The following BMPR1A variants were observed in gnomAD, a reference collection of about 807,000 sequenced individuals.
BMPR1A encodes bone morphogenetic protein receptor type 1A.
A neutral mutation model predicts 66.0 loss-of-function variants in BMPR1A; 7 were observed. The observed-to-expected ratio is 0.11, with a 90% CI of 0.06 to 0.20. The LOEUF is 0.20. Among genes scored for constraint, BMPR1A ranks in the 10% least tolerant of loss-of-function variants. The pLI is 1.00. For missense variants in BMPR1A, 408 were observed against 669.1 expected, an observed-to-expected ratio of 0.61 and a Z score of 4.31; for synonymous variants, 200 against 229.7, an observed-to-expected ratio of 0.87 and a Z score of 1.17.
intron 5 of BMPR1A, among the ~76,000 whole-genome samples, chr10:86,896,616 A>G (rs1484973911): frequency 6.6e-6 from 1 of 152,222 alleles, no homozygotes; most frequent in Non-Finnish European, 1.5e-5. Flanking sequence ...TTATTCTTTA[A>G]AATGATGATA....
At chr10:86,860,838 G>T (rs940117242) in intron 2 of BMPR1A, among the ~76,000 whole-genome samples, 5 of 148,410 alleles carry the variant, frequency 3.4e-5, no homozygotes, top group African/African-American at 7.4e-5. Flanking sequence ...TCATGCCATA[G>T]AACTTTTTTT....
chr10:86,864,009 T>C (rs1842747470), intron 2 of BMPR1A, among the ~76,000 whole-genome samples: 2 of 152,312 alleles, frequency 1.3e-5, no homozygotes, highest in South Asian at 4.1e-4. Flanking sequence ...CAAGATAATT[T>C]TTCTTCTTAG....
At chr10:86,893,898 A>G (rs887035630) in intron 5 of BMPR1A, among the ~76,000 whole-genome samples, 4 of 152,200 alleles carry the variant, frequency 2.6e-5, no homozygotes, top group African/African-American at 7.2e-5. Flanking sequence ...CTGCAAATCT[A>G]TCTTCCTTTC....
At chr10:86,847,696 G>T (rs1363304265) in intron 2 of BMPR1A, among the ~76,000 whole-genome samples, 1 of 151,844 alleles carries the variant, frequency 6.6e-6, no homozygotes, top group Non-Finnish European at 1.5e-5. Flanking sequence ...GTATGTGTGT[G>T]TATAAAGATT....
intron 1 of BMPR1A, among the ~76,000 whole-genome samples, chr10:86,777,641 G>A (rs906399678): frequency 4.0e-5 from 6 of 151,896 alleles, no homozygotes; most frequent in African/African-American, 1.4e-4. Flanking sequence ...ACATCACAGT[G>A]TTACAATATT....
intron 2 of BMPR1A, among the ~76,000 whole-genome samples, chr10:86,872,051 C>G (rs1842861078): frequency 6.6e-6 from 1 of 152,172 alleles, no homozygotes; most frequent in South Asian, 2.1e-4. Flanking sequence ...GCAGCATTTC[C>G]CTTCATTCTC....
At chr10:86,801,337 G>C (rs1015992031) in intron 1 of BMPR1A, among the ~76,000 whole-genome samples, 2 of 152,076 alleles carry the variant, frequency 1.3e-5, no homozygotes, top group African/African-American at 4.8e-5. Context: ...AGGTTTCACT[G>C]TGTTGCTCAG....
intron 1 of BMPR1A, among the ~76,000 whole-genome samples, chr10:86,819,188 TA>T (rs1470996221): frequency 6.6e-6 from 1 of 152,188 alleles, no homozygotes; most frequent in African/African-American, 2.4e-5. Flanking sequence ...TATTGCTACT[TA>T]TTTTTTAAAG....
intron 1 of BMPR1A, among the ~76,000 whole-genome samples, chr10:86,807,676 C>G (rs1053150358): frequency 2.0e-5 from 3 of 152,212 alleles, no homozygotes; most frequent in African/African-American, 7.2e-5. Flanking sequence ...TGCCACCATG[C>G]CCAGTCCCCA....
chr10:86,786,543 T>C (rs909162363), intron 1 of BMPR1A, among the ~76,000 whole-genome samples: 2 of 152,234 alleles, frequency 1.3e-5, no homozygotes, highest in Non-Finnish European at 2.9e-5. Context: ...GCTTCCAGGA[T>C]AGCATACAAA....
At chr10:86,921,800 T>C (rs968954594) in intron 11 of BMPR1A, 105 bp downstream of exon 11, 22 of 1,375,342 alleles carry the variant, frequency 1.6e-5, no homozygotes, top group Non-Finnish European at 2.0e-5. Flanking sequence ...GGGCACATAG[T>C]AGGTGTATAT....
chr10:86,863,187 A>G (rs1050540204), intron 2 of BMPR1A, among the ~76,000 whole-genome samples: 1 of 152,110 alleles, frequency 6.6e-6, no homozygotes, highest in African/African-American at 2.4e-5. Context: ...TATGTTAGCC[A>G]GGCTGGTCTT....
chr10:86,889,671 C>T (rs964053864), intron 3 of BMPR1A: 43 of 229,680 alleles, frequency 1.9e-4, no homozygotes, highest in African/African-American at 1.0e-3. Flanking sequence ...GCGATTTCCC[C>T]AAATGTGGGA....
intron 1 of BMPR1A, among the ~76,000 whole-genome samples, chr10:86,773,425 T>C (rs1841296316): frequency 6.6e-6 from 1 of 151,950 alleles, no homozygotes; most frequent in Non-Finnish European, 1.5e-5. Flanking sequence ...ACCCTGTCTC[T>C]ACTAAAAAAG....
At chr10:86,774,439 T>A (rs957800201) in intron 1 of BMPR1A, among the ~76,000 whole-genome samples, 2 of 149,818 alleles carry the variant, frequency 1.3e-5, no homozygotes, top group Non-Finnish European at 3.0e-5. Flanking sequence ...CATTAAAGGG[T>A]AAAGAAATTA....
At chr10:86,887,514 A>C (rs1320315142) in intron 3 of BMPR1A, among the ~76,000 whole-genome samples, 1 of 152,142 alleles carries the variant, frequency 6.6e-6, no homozygotes, top group East Asian at 1.9e-4. Context: ...TATTCATTTG[A>C]TCTACCTATA....
intron 1 of BMPR1A, among the ~76,000 whole-genome samples, chr10:86,834,464 T>G (rs1397428410): frequency 6.6e-6 from 1 of 152,220 alleles, no homozygotes; most frequent in Non-Finnish European, 1.5e-5. Context: ...GATACAAGCT[T>G]AAACAGAAGA....
intron 1 of BMPR1A, among the ~76,000 whole-genome samples, chr10:86,838,383 T>A (rs139560272): frequency 1.8e-4 from 27 of 152,312 alleles, no homozygotes; most frequent in African/African-American, 5.8e-4. Context: ...AATTAATTCT[T>A]CAACCTCACA....
chr10:86,850,086 C>G (rs1465603280), intron 2 of BMPR1A, among the ~76,000 whole-genome samples: 1 of 151,972 alleles, frequency 6.6e-6, no homozygotes, highest in Non-Finnish European at 1.5e-5. Context: ...TTTGGAAGGC[C>G]GAGGTGGGTG....
Sources: gnomAD v4.1 joint callset for allele counts (sites outside exome capture counted in the v4.1 genomes callset) on GRCh38, gnomAD v4.1.1 for gene constraint, MANE v1.5 for transcripts, NCBI Gene and HGNC (gene_info 2026-07-23, HGNC 2026-07-21) for gene names.